The following PXDNL variants were observed in gnomAD, a reference collection of about 807,000 sequenced individuals.
PXDNL encodes the protein peroxidasin like.
In PXDNL, 145 loss-of-function variants were observed where a neutral mutation model predicts 150.8. The ratio of observed to expected loss-of-function variants is 0.96; its 90% CI spans 0.84 to 1.10. The LOEUF (loss-of-function observed/expected upper bound fraction) is 1.10, where lower values mean the gene tolerates loss of function less well. Ranked by LOEUF, PXDNL falls within the 50% of genes least tolerant of loss-of-function variation. The pLI is 0.00. For synonymous variants in PXDNL, 757 were observed against 725.7 expected (o/e 1.04, Z -0.69); for missense variants, 2,087 against 1,873.9 (o/e 1.11, Z -2.10).
At position 51,408,983 on chromosome 8, in the gene PXDNL, C is replaced by T; in HGVS notation, c.2641G>A (p.Val881Ile). 1 of 1,612,018 alleles carries T rather than the reference C, an allele frequency of 6.2e-7. No homozygotes were observed. Among genetic ancestry groups the T allele is most frequent in the South Asian group, 1.1e-5 (1 of 91,082 alleles). ...TGGTTGATCTGCTCTCGTGCATAGA[C>T]TGAATCCACCGTCGCAGAGGGACGG... ...SGRPSATVDS[V>I]YAREQINQQT... Residue 881 changes from valine (V) to isoleucine (I), a missense_variant, in exon 17 of 23, where the codon GTC becomes ATC. Val to Ile is a conservative substitution (Grantham distance 29). Transcript: ENST00000356297.
At chr8:51,478,550 C>T (rs1206850086) in intron 6 of PXDNL, among the ~76,000 whole-genome samples, 1 of 152,278 alleles carries the variant, frequency 6.6e-6, no homozygotes, top group Admixed American at 6.5e-5. Context: ...TTACAGTCCA[C>T]TTGTGAGGAG....
At chr8:51,672,747 C>T (rs1045888219) in intron 1 of PXDNL, among the ~76,000 whole-genome samples, 1 of 152,038 alleles carries the variant, frequency 6.6e-6, no homozygotes, top group Non-Finnish European at 1.5e-5. Context: ...TTAAGGACTA[C>T]ACACTAGGTA....
intron 1 of PXDNL, among the ~76,000 whole-genome samples, chr8:51,719,635 A>T (rs908561931): frequency 1.1e-4 from 16 of 151,542 alleles, no homozygotes; most frequent in African/African-American, 3.9e-4. Context: ...AAGAATGATC[A>T]ATTTAAAAAA....
At chr8:51,466,132 CATT>C (rs1025872148) in intron 8 of PXDNL, among the ~76,000 whole-genome samples, 3 of 152,054 alleles carry the variant, frequency 2.0e-5, no homozygotes, top group African/African-American at 4.8e-5. Context: ...GGAAGCATCA[CATT>C]ATCCAACATC....
intron 6 of PXDNL, among the ~76,000 whole-genome samples, chr8:51,478,973 C>CA (rs1330327120): frequency 6.6e-6 from 1 of 151,934 alleles, no homozygotes; most frequent in African/African-American, 2.4e-5. Context: ...AATAACAAAC[C>CA]AAAAAAATCA....
intron 8 of PXDNL, among the ~76,000 whole-genome samples, chr8:51,470,954 G>T (rs557634250): frequency 6.6e-6 from 1 of 151,742 alleles, no homozygotes. Context: ...AACATGAAAA[G>T]CAATGGCAAC....
chr8:51,566,952 T>A (rs945033110), intron 3 of PXDNL, among the ~76,000 whole-genome samples: 3 of 151,756 alleles, frequency 2.0e-5, no homozygotes, highest in Admixed American at 2.0e-4. Flanking sequence ...CTGCTTTAAC[T>A]GCATCCCGCG....
intron 2 of PXDNL, among the ~76,000 whole-genome samples, chr8:51,636,539 G>A (rs539573499): frequency 3.3e-5 from 5 of 152,104 alleles, no homozygotes; most frequent in African/African-American, 1.2e-4. Context: ...GCTGTGTTCT[G>A]TACATAAGCA....
chr8:51,603,330 C>T (rs1813767455), intron 2 of PXDNL, among the ~76,000 whole-genome samples: 1 of 151,726 alleles, frequency 6.6e-6, no homozygotes, highest in Admixed American at 6.6e-5. Flanking sequence ...CAAATTTTAC[C>T]ATATCGACTT....
intron 5 of PXDNL, among the ~76,000 whole-genome samples, chr8:51,485,637 A>C (rs1290045123): frequency 6.6e-6 from 1 of 151,788 alleles, no homozygotes; most frequent in Non-Finnish European, 1.5e-5. Flanking sequence ...CCTCTGAGTA[A>C]TTTTCCATCC....
At chr8:51,497,054 C>T (rs1348779563) in intron 5 of PXDNL, among the ~76,000 whole-genome samples, 1 of 152,106 alleles carries the variant, frequency 6.6e-6, no homozygotes, top group Admixed American at 6.5e-5. Flanking sequence ...GCTACAGTAA[C>T]CAAAACAGCA....
chr8:51,660,763 A>T (rs1270807969), intron 1 of PXDNL, among the ~76,000 whole-genome samples: 1 of 152,114 alleles, frequency 6.6e-6, no homozygotes, highest in East Asian at 1.9e-4. Context: ...GGAGAAGCTG[A>T]TTCCTAAAAG....
At chr8:51,690,018 A>G (rs962011553) in intron 1 of PXDNL, among the ~76,000 whole-genome samples, 3 of 152,236 alleles carry the variant, frequency 2.0e-5, no homozygotes, top group African/African-American at 7.2e-5. Flanking sequence ...GAAATACTAA[A>G]GAAAGTCATG....
At chr8:51,382,923 T>G (rs1807594343) in intron 17 of PXDNL, among the ~76,000 whole-genome samples, 1 of 152,202 alleles carries the variant, frequency 6.6e-6, no homozygotes, top group Admixed American at 6.5e-5. Context: ...TCATTGATCT[T>G]TTTCTCATGT....
In PXDNL at chr8:51,457,661, T is replaced by C; in HGVS notation, c.819A>G (p.Ser273=). The C allele has an allele frequency of 6.2e-7, 1 of 1,612,288 alleles. No individual in the cohort carries two copies. Among genetic ancestry groups the C allele is most frequent in the Non-Finnish European group, 8.5e-7 (1 of 1,178,892 alleles). Residue 273 remains serine (S), a synonymous_variant, in exon 9 of 23, where the codon TCA becomes TCG. Transcript: ENST00000356297. ...PEIIWIHNNH[S]LDLEDDTRLN... ...GTCGAGTATCATCTTCCAAATCCAATGAGTGGCTGGAAATATAGGTTATAC... is the reference window on the plus strand; with the variant it reads ...GTCGAGTATCATCTTCCAAATCCAACGAGTGGCTGGAAATATAGGTTATAC...
At chr8:51,565,253 A>G (rs974222375) in intron 3 of PXDNL, among the ~76,000 whole-genome samples, 1 of 151,284 alleles carries the variant, frequency 6.6e-6, no homozygotes, top group Non-Finnish European at 1.5e-5. Flanking sequence ...GGGCTCTCCT[A>G]GCCCCCTTCA....
chr8:51,745,406 C>A (rs972777887), intron 1 of PXDNL, among the ~76,000 whole-genome samples: 2 of 152,182 alleles, frequency 1.3e-5, no homozygotes, highest in African/African-American at 4.8e-5. Context: ...GTTAGTCCAG[C>A]CTCTCTACCT....
At chr8:51,428,461 C>T (rs971909336) in intron 12 of PXDNL, among the ~76,000 whole-genome samples, 6 of 152,132 alleles carry the variant, frequency 3.9e-5, no homozygotes, top group Admixed American at 6.5e-5. Context: ...GATTTTAAGA[C>T]GGGTCATATA....
chr8:51,476,278 C>A (rs912973124), intron 6 of PXDNL, among the ~76,000 whole-genome samples: 1 of 152,172 alleles, frequency 6.6e-6, no homozygotes, highest in Non-Finnish European at 1.5e-5. Flanking sequence ...ACGTGTGATC[C>A]ACGCAGCTCC....
Sources: allele counts gnomAD v4.1 joint callset (sites outside exome capture counted in the v4.1 genomes callset), GRCh38; gene constraint gnomAD v4.1.1; transcripts MANE v1.5; gene names NCBI Gene and HGNC (gene_info 2026-07-23, HGNC 2026-07-21).